Variants in VAV3 observed in about 807,000 individuals in gnomAD.
The protein encoded by VAV3 is guanine nucleotide exchange factor VAV3.
VAV3 carries 94 observed loss-of-function variants against 131.2 expected under a neutral mutation model. The ratio of observed to expected loss-of-function variants is 0.72; its 90% CI spans 0.61 to 0.85. The LOEUF (loss-of-function observed/expected upper bound fraction) is 0.85. Ranked by LOEUF, VAV3 falls within the 40% of genes least tolerant of loss-of-function variation. VAV3 has a pLI of 0.00. For missense variants in VAV3, 939 were observed against 1,002.7 expected, an observed-to-expected ratio of 0.94 and a Z score of 0.86; for synonymous variants, 349 against 342.0, an observed-to-expected ratio of 1.02 and a Z score of -0.22.
intron 2 of VAV3, among the ~76,000 whole-genome samples, chr1:107,863,274 T>C (rs1248632964): frequency 6.6e-6 from 1 of 152,170 alleles, no homozygotes. Context: ...TCTGGGCCTC[T>C]TTTACAGTTG....
At chr1:107,630,549 C>T (rs956028738) in intron 20 of VAV3, among the ~76,000 whole-genome samples, 13 of 152,222 alleles carry the variant, frequency 8.5e-5, no homozygotes, top group African/African-American at 3.1e-4. Context: ...TAACACTCAG[C>T]AAAATAAGCT....
At chr1:107,592,944 G>A (rs932846053) in intron 25 of VAV3, among the ~76,000 whole-genome samples, 12 of 152,078 alleles carry the variant, frequency 7.9e-5, no homozygotes, top group African/African-American at 2.4e-4. Context: ...AAGATCCATA[G>A]AACATCTTTC....
chr1:107,596,668 T>A (rs1025698263), intron 24 of VAV3, among the ~76,000 whole-genome samples: 1 of 152,192 alleles, frequency 6.6e-6, no homozygotes, highest in African/African-American at 2.4e-5. Context: ...TAATTATTGT[T>A]CTTATTTATG....
chr1:107,810,515 G>A (rs1336015062), intron 2 of VAV3, among the ~76,000 whole-genome samples: 1 of 151,920 alleles, frequency 6.6e-6, no homozygotes. Context: ...ATGAGACATG[G>A]AAGTTTTACT....
chr1:107,645,488 G>C (rs930342561), intron 19 of VAV3, among the ~76,000 whole-genome samples: 1 of 152,030 alleles, frequency 6.6e-6, no homozygotes, highest in Admixed American at 6.6e-5. Flanking sequence ...CTTGCTCTTT[G>C]CTTCTGATTT....
chr1:107,741,441 T>C (rs1217969796), intron 15 of VAV3, among the ~76,000 whole-genome samples: 1 of 152,094 alleles, frequency 6.6e-6, no homozygotes, highest in Non-Finnish European at 1.5e-5. Context: ...CAGGGAGCAG[T>C]GCAGGGTGGG....
At chr1:107,952,082 A>G (rs1674563105) in intron 1 of VAV3, among the ~76,000 whole-genome samples, 1 of 152,214 alleles carries the variant, frequency 6.6e-6, no homozygotes, top group Non-Finnish European at 1.5e-5. Flanking sequence ...AATGTCCATC[A>G]GTGATAGACT....
chr1:107,812,251 T>A (rs554770600), intron 2 of VAV3, among the ~76,000 whole-genome samples: 1 of 152,148 alleles, frequency 6.6e-6, no homozygotes, highest in South Asian at 2.1e-4. Flanking sequence ...CTCTTGTGCA[T>A]AGATAGATTC....
chr1:107,951,551 G>T (rs898376491), intron 1 of VAV3, among the ~76,000 whole-genome samples: 14 of 152,204 alleles, frequency 9.2e-5, no homozygotes, highest in South Asian at 8.3e-4. Flanking sequence ...CAGAATGGAA[G>T]AAAATTTTTG....
rs1217549477 is a variant in VAV3 at position 107,733,195 on chromosome 1, C to T, written c.1502+15773G>A. Among the ~76,000 whole-genome samples the T allele has an allele frequency of 2.0e-5, 3 of 152,240 alleles. No homozygotes were observed. The East Asian group carries it at 5.8e-4, about 29-fold the overall frequency. ...AAACAGAAAGGAATAGCATCAACAT[C>T]AACAAAAAGGACATCCACACCAAAA... is the stretch of plus-strand genomic sequence containing the variant. On this transcript the variant is annotated intron_variant, in intron 15 of 26. Coordinates refer to ENST00000370056, the MANE Select transcript of VAV3 (RefSeq NM_006113.5).
intron 2 of VAV3, among the ~76,000 whole-genome samples, chr1:107,851,396 GAAAAAAAA>G (rs74262709): frequency 1.3e-5 from 1 of 74,978 alleles, no homozygotes; most frequent in South Asian, 4.2e-4. Flanking sequence ...AAAACACTCA[GAAAAAAAA>G]AAAAAAAAAA....
At chr1:107,744,630 C>T (rs1663225223) in intron 15 of VAV3, among the ~76,000 whole-genome samples, 1 of 152,118 alleles carries the variant, frequency 6.6e-6, no homozygotes, top group Admixed American at 6.5e-5. Flanking sequence ...AAAGTAATGG[C>T]AAAGCCCCAA....
chr1:107,944,367 G>C (rs1327375160), intron 1 of VAV3, among the ~76,000 whole-genome samples: 2 of 152,082 alleles, frequency 1.3e-5, no homozygotes, highest in Non-Finnish European at 2.9e-5. Flanking sequence ...AGACCCAGAA[G>C]AAACTAAGTT....
chr1:107,762,175 C>T (rs567433738), intron 9 of VAV3, among the ~76,000 whole-genome samples: 7 of 151,112 alleles, frequency 4.6e-5, no homozygotes, highest in Admixed American at 1.3e-4. Flanking sequence ...CCTCATAAGT[C>T]CAAAATCCTG....
chr1:107,750,990 G>T lies in VAV3; in HGVS notation c.1259+127C>A. ...GATTTAAAAAATTTAGAAATCATGG[G>T]TTGGTCTGTCTCCTTGTATTTCTTC... On this transcript the variant is annotated intron_variant, in intron 13 of 26. Coordinates refer to ENST00000370056, the MANE Select transcript of VAV3 (RefSeq NM_006113.5). 3.5e-6 allele frequency: 3 copies of T among 859,984 alleles called. No individual in the cohort carries two copies. In the Middle Eastern group the frequency reaches 1.1e-3, roughly 305 times the overall value. 53.3% of individuals were successfully genotyped at this position (859,984 alleles called of 1,614,324 possible).
intron 22 of VAV3, among the ~76,000 whole-genome samples, chr1:107,604,851 T>TC: frequency 6.6e-6 from 1 of 152,226 alleles, no homozygotes; most frequent in Non-Finnish European, 1.5e-5. Context: ...AGCATTCTAC[T>TC]CCAAGTTCCC....
At chr1:107,877,138 G>A (rs930486109) in intron 1 of VAV3, among the ~76,000 whole-genome samples, 1 of 152,178 alleles carries the variant, frequency 6.6e-6, no homozygotes, top group African/African-American at 2.4e-5. Context: ...CACAAAGGCA[G>A]CAGGTAATCA....
chr1:107,916,509 A>G (rs1478345051), intron 1 of VAV3, among the ~76,000 whole-genome samples: 2 of 152,218 alleles, frequency 1.3e-5, no homozygotes, highest in Non-Finnish European at 2.9e-5. Context: ...TCTGTGTAAA[A>G]TATCAAATAA....
At chr1:107,964,631 G>A (rs1301729594) in intron 1 of VAV3, 35 bp downstream of exon 1, 3 of 1,599,912 alleles carry the variant, frequency 1.9e-6, no homozygotes, top group East Asian at 2.2e-5. Flanking sequence ...GGGAGCTGCC[G>A]GCTGGAGGCG....
Sources: allele counts gnomAD v4.1 joint callset (sites outside exome capture counted in the v4.1 genomes callset), GRCh38; gene constraint gnomAD v4.1.1; transcripts MANE v1.5; gene names NCBI Gene and HGNC (gene_info 2026-07-23, HGNC 2026-07-21).